Variants in RPH3AL observed in about 807,000 individuals in gnomAD.
RPH3AL encodes rabphilin 3A like (without C2 domains).
RPH3AL carries 38 observed loss-of-function variants against 43.1 expected under a neutral mutation model. The observed-to-expected ratio is 0.88, with a 90% CI of 0.68 to 1.15. The LOEUF (loss-of-function observed/expected upper bound fraction) is 1.15. Ranked by LOEUF, RPH3AL falls within the 50% of genes most tolerant of loss-of-function variation. The pLI is 0.00. For synonymous variants in RPH3AL, 189 were observed against 176.3 expected (o/e 1.07, Z -0.57); for missense variants, 462 against 423.2 (o/e 1.09, Z -0.81).
intron 9 of RPH3AL, among the ~76,000 whole-genome samples, 188 bp from the exon 10 acceptor site, chr17:214,111 A>G (rs992291512): frequency 6.6e-6 from 1 of 152,212 alleles, no homozygotes; most frequent in Non-Finnish European, 1.5e-5. Flanking sequence ...ATGGCAGGAA[A>G]GTCACCTGCC....
chr17:220,181 C>T (rs1555530588), intron 7 of RPH3AL, among the ~76,000 whole-genome samples: 9 of 150,816 alleles, frequency 6.0e-5, no homozygotes, highest in African/African-American at 2.2e-4. Flanking sequence ...TAGACCCAAG[C>T]ACAACAGCTC....
chr17:246,627 C>A lies in RPH3AL; in HGVS notation c.613+484G>T, dbSNP rs1567581727. Among the ~76,000 whole-genome samples the A allele has an allele frequency of 1.3e-5, 2 of 152,176 alleles. No homozygotes were observed. Among genetic ancestry groups the A allele is most frequent in the African/African-American group, 4.8e-5 (2 of 41,450 alleles). On this transcript the variant is annotated intron_variant, in intron 7 of 9. Coordinates refer to ENST00000331302, the MANE Select transcript of RPH3AL (RefSeq NM_006987.4). This position sits in a 1 kb window ranked among gnomAD's most constrained non-coding sequence, Gnocchi z 4.8. The stretch of plus-strand genomic sequence containing the variant: ...GGCCACCTGAGACACACACACCTTA[C>A]TGTAGCCACCAGAACGCCCAGGGAC...
intron 5 of RPH3AL, among the ~76,000 whole-genome samples, chr17:315,972 C>G (rs1555518531): frequency 4.5e-4 from 34 of 75,166 alleles, no homozygotes; most frequent in African/African-American, 1.3e-3. Flanking sequence ...CCCACCTCCA[C>G]TGACGTGTAG....
chr17:231,480 A>G lies in RPH3AL; in HGVS notation c.614-11744T>C, dbSNP rs145215423. Among the ~76,000 whole-genome samples the G allele has an allele frequency of 3.2e-3, 482 of 152,328 alleles. 4 individuals are homozygous for G. The highest frequency in any genetic ancestry group is 0.01 in the African/African-American group (432 of 41,568). On this transcript the variant is annotated intron_variant, in intron 7 of 9. Transcript: ENST00000331302. The stretch of plus-strand genomic sequence containing the variant: ...CAAGGCCAGGCCTCACCTGTGACGG[A>G]CAGTTGGCCCTGGGAGAGAGCTGAG...
At chr17:295,336 G>C (rs1394854698) in intron 5 of RPH3AL, among the ~76,000 whole-genome samples, 6 of 145,872 alleles carry the variant, frequency 4.1e-5, no homozygotes, top group Admixed American at 2.1e-4. Flanking sequence ...GGGAGGGACA[G>C]AGGAGCTGCA....
chr17:235,651 AGGGTTCAAAGC>A, intron 7 of RPH3AL, among the ~76,000 whole-genome samples: 1 of 73,032 alleles, frequency 1.4e-5, no homozygotes, highest in African/African-American at 5.2e-5. Flanking sequence ...AGATGGATCC[AGGGTTCAAAGC>A]TGGGGTCAGC....
chr17:321,272 C>A lies in RPH3AL; in HGVS notation c.221G>T (p.Gly74Val). 6.2e-7 allele frequency: 1 copy of A among 1,606,460 alleles called. No individual in the cohort carries two copies. The highest frequency in any genetic ancestry group is 1.1e-5 in the South Asian group (1 of 90,960). ...RLDVLEQQRI[G>V]RLVERLETMR... ...TGAGCTGGCCCCGGCCCCGCCTCAC[C>A]CGATTCTCTGCTGCTCCAGGACGTC... The change falls in exon 4 of 10, where the codon GGG becomes GTG. Residue 74 changes from glycine (G) to valine (V), a missense_variant and splice_region_variant. Transcript: ENST00000331302.
chr17:335,349 A>G (rs1012507677), intron 1 of RPH3AL, among the ~76,000 whole-genome samples: 3 of 152,154 alleles, frequency 2.0e-5, no homozygotes, highest in Non-Finnish European at 2.9e-5. Context: ...GGCCAACACC[A>G]GCGCTGCAGG....
Position 274,345 on chromosome 17 carries a change from G to T in RPH3AL, c.438+7423C>A, listed in dbSNP as rs1034702221. 6.6e-6 allele frequency among the ~76,000 whole-genome samples: 1 copy of T among 152,226 alleles called. No individual in the cohort carries two copies. The highest frequency in any genetic ancestry group is 2.1e-4 in the South Asian group (1 of 4,832). On this transcript the variant is annotated intron_variant, in intron 6 of 9. Coordinates refer to ENST00000331302, the MANE Select transcript of RPH3AL (RefSeq NM_006987.4). The surrounding 1 kb of genome is among the most constrained non-coding windows in gnomAD (Gnocchi z 4.7). ...GGCCTCGCCTGCCCACCTGGGCCTC[G>T]CCTGCCTGGCTGGAGTAGGGGCAGC...
intron 2 of RPH3AL, chr17:332,933 G>A: frequency 9.5e-7 from 1 of 1,052,418 alleles, no homozygotes; most frequent in Non-Finnish European, 1.3e-6. Flanking sequence ...AGGACCCGAG[G>A]GGTACAGGGA....
At position 285,086 on chromosome 17, in the gene RPH3AL, C is replaced by T. The variant is rs184214919; in HGVS notation, c.352-3232G>A. ...TGGGGTGATATAAACATTCAGTCCA[C>T]AGCAGCGCCCGACCAGGACTGGGAT... On this transcript the variant is annotated intron_variant, in intron 5 of 9. Coordinates refer to ENST00000331302, the MANE Select transcript of RPH3AL (RefSeq NM_006987.4). 5.1e-4 allele frequency among the ~76,000 whole-genome samples: 77 copies of T among 152,296 alleles called. 1 individual carries two copies. In the East Asian group the frequency reaches 0.014, roughly 28 times the overall value.
chr17:331,874 C>A, intron 2 of RPH3AL: 1 of 1,289,014 alleles, frequency 7.8e-7, no homozygotes, highest in Non-Finnish European at 1.0e-6. Flanking sequence ...CAGGTATGAC[C>A]ATTTGTCCTG....
intron 2 of RPH3AL, chr17:332,080 C>T (rs1300230026): frequency 2.8e-6 from 1 of 360,998 alleles, no homozygotes; most frequent in Non-Finnish European, 5.4e-6. Context: ...GGTTGATGGA[C>T]CTCTGCGGGG....
intron 3 of RPH3AL, among the ~76,000 whole-genome samples, chr17:324,080 C>T (rs1210712102): frequency 6.6e-6 from 1 of 152,204 alleles, no homozygotes; most frequent in African/African-American, 2.4e-5. Context: ...CAGGCCCGGA[C>T]CCTGAGGCAC....
Position 232,829 on chromosome 17 carries a change from CGTGTGTGTGTGTGTGTGTGTGTGTGTGT to C in RPH3AL, c.614-13121_614-13094del, listed in dbSNP as rs71143481. Reference sequence around the variant, plus strand: ...CTTGTCTCTAAACAGTCCTTTCCGGCGTGTGTGTGTGTGTGTGTGTGTGTGTGTGTGTGTGTGTGTGTGTGTGTGTGTG... The same window carrying C: ...CTTGTCTCTAAACAGTCCTTTCCGGCGTGTGTGTGTGTGTGTGTGTGTGTG... On this transcript the variant is annotated intron_variant, in intron 7 of 9. Coordinates refer to ENST00000331302, the MANE Select transcript of RPH3AL (RefSeq NM_006987.4). Among the ~76,000 whole-genome samples the C allele has an allele frequency of 2.1e-3, 255 of 119,522 alleles. 2 individuals carry two copies. The highest frequency in any genetic ancestry group is 7.1e-3 in the African/African-American group (218 of 30,514). The allele number at this position is 119,522 out of a possible 152,430, so 78.4% of individuals were successfully genotyped here.
Position 215,283 on chromosome 17 carries a change from C to G in RPH3AL, c.876+371G>C, listed in dbSNP as rs2040769279. 6.6e-6 allele frequency among the ~76,000 whole-genome samples: 1 copy of G among 152,148 alleles called. No individual in the cohort carries two copies. The highest frequency in any genetic ancestry group is 2.4e-5 in the African/African-American group (1 of 41,414). ...GGCAGGGTGGGAGCCCAGGATTCTC[C>G]CCTCACTCTCTCTCTGTGCCTTGGT... On this transcript the variant is annotated intron_variant, in intron 9 of 9. Coordinates refer to ENST00000331302, the MANE Select transcript of RPH3AL (RefSeq NM_006987.4). This position sits in a 1 kb window ranked among gnomAD's most constrained non-coding sequence, Gnocchi z 4.1.
chr17:317,024 C>T (rs1244398454), intron 5 of RPH3AL, among the ~76,000 whole-genome samples: 6 of 135,814 alleles, frequency 4.4e-5, no homozygotes, highest in African/African-American at 8.4e-5. Flanking sequence ...AGTCTCTGTG[C>T]TCCACCTCCA....
At chr17:339,418 C>T (rs1358665675) in intron 1 of RPH3AL, 1 of 152,212 alleles carries the variant, frequency 6.6e-6, no homozygotes, top group African/African-American at 2.4e-5. Context: ...GAGGGGCCCC[C>T]AAGTTAACAA....
chr17:216,987 C>T (rs2040818744), intron 8 of RPH3AL, among the ~76,000 whole-genome samples: 1 of 152,088 alleles, frequency 6.6e-6, no homozygotes, highest in African/African-American at 2.4e-5. Context: ...CCATCTGGGG[C>T]AGTTATTACA....
Sources: allele counts gnomAD v4.1 joint callset (sites outside exome capture counted in the v4.1 genomes callset), GRCh38; gene constraint gnomAD v4.1.1; non-coding constraint Gnocchi (gnomAD v3.1); transcripts MANE v1.5; gene names NCBI Gene and HGNC (gene_info 2026-07-23, HGNC 2026-07-21).